The following PSMA1 variants were observed in gnomAD, a reference collection of about 807,000 sequenced individuals.
PSMA1 encodes the protein proteasome 20S subunit alpha 1, also known as proteasome subunit alpha type-1.
Under a neutral mutation model 38.4 loss-of-function variants are expected in PSMA1, and 3 were observed. The observed-to-expected ratio is 0.08, with a 90% CI of 0.04 to 0.20. PSMA1 has a LOEUF of 0.20. PSMA1 is among the 10% of genes least tolerant of loss of function. The pLI, the probability that PSMA1 is intolerant of heterozygous loss-of-function variation, is 1.00. For synonymous variants in PSMA1, 101 were observed against 107.1 expected, an observed-to-expected ratio of 0.94 and a Z score of 0.35; for missense variants, 227 against 325.3, an observed-to-expected ratio of 0.70 and a Z score of 2.32.
chr11:14,572,219 C>T (rs1302705085), intron 2 of PSMA1, among the ~76,000 whole-genome samples: 5 of 152,142 alleles, frequency 3.3e-5, no homozygotes, highest in African/African-American at 9.7e-5. Context: ...ATATTCTTCT[C>T]GGCACCACAT....
At chr11:14,541,811 A>C (rs1469199900) in intron 2 of PSMA1, among the ~76,000 whole-genome samples, 1 of 152,232 alleles carries the variant, frequency 6.6e-6, no homozygotes, top group African/African-American at 2.4e-5. Flanking sequence ...TCTATGCATC[A>C]GGGCGGATAG....
chr11:14,522,706 G>A (rs1851543277), upstream of PSMA1, among the ~76,000 whole-genome samples: 2 of 151,920 alleles, frequency 1.3e-5, no homozygotes, highest in Non-Finnish European at 2.9e-5. Flanking sequence ...ATATTATTGT[G>A]TTAATCATTT....
chr11:14,523,489 A>G (rs1851551538), upstream of PSMA1, among the ~76,000 whole-genome samples: 1 of 151,530 alleles, frequency 6.6e-6, no homozygotes, highest in Non-Finnish European at 1.5e-5. Flanking sequence ...CAGGCTGGTC[A>G]TGAATGCCTG....
chr11:14,526,931 C>T (rs1851592445), intron 2 of PSMA1, among the ~76,000 whole-genome samples: 1 of 152,178 alleles, frequency 6.6e-6, no homozygotes, highest in African/African-American at 2.4e-5. Context: ...TATCTCTCAG[C>T]AAGCCTAACT....
intron 1 of PSMA1, among the ~76,000 whole-genome samples, chr11:14,615,818 C>T (rs1352064740): frequency 6.6e-6 from 1 of 152,168 alleles, no homozygotes; most frequent in Non-Finnish European, 1.5e-5. Context: ...CCTCATTGAA[C>T]TCCTGAAAGG....
chr11:14,572,950 T>C (rs975270744), intron 2 of PSMA1, among the ~76,000 whole-genome samples: 2 of 152,076 alleles, frequency 1.3e-5, no homozygotes, highest in African/African-American at 4.8e-5. Flanking sequence ...ATACACCCTC[T>C]GAAGACTAAA....
chr11:14,626,184 CTT>C (rs1852909714), intron 1 of PSMA1, among the ~76,000 whole-genome samples: 1 of 148,648 alleles, frequency 6.7e-6, no homozygotes, highest in Admixed American at 6.7e-5. Flanking sequence ...AAGTGATAAT[CTT>C]TTGTACAGTC....
rs941960116 is a variant in PSMA1 at position 14,505,070 on chromosome 11, T to C, written c.*122A>G. ...TGGAAAAAACTCACATCTGGACTGA[T>C]TCCTAAAACATAGCATTCCACCACT... is the stretch of plus-strand genomic sequence containing the variant. On this transcript the variant is annotated 3_prime_UTR_variant, in exon 10 of 10. Coordinates refer to ENST00000396394, the MANE Select transcript of PSMA1 (RefSeq NM_002786.4). 6 of 896,490 alleles carry C rather than the reference T, an allele frequency of 6.7e-6. No homozygotes were observed. Among genetic ancestry groups the C allele is most frequent in the Non-Finnish European group, 1.1e-5 (6 of 538,070 alleles). 55.5% of individuals were successfully genotyped at this position (896,490 alleles called of 1,614,324 possible). A position where few individuals can be genotyped will look rare whatever the true frequency, so the allele number is the denominator to read the frequency against.
intron 2 of PSMA1, among the ~76,000 whole-genome samples, chr11:14,594,049 A>G (rs1852454598): frequency 1.3e-5 from 2 of 152,242 alleles, no homozygotes; most frequent in South Asian, 4.1e-4. Context: ...GAAAAGAGGC[A>G]CATAGGAAGA....
rs189640268 is a variant in PSMA1, at chr11:14,562,758, C to T, written c.22-43717G>A. On this transcript the variant is annotated intron_variant, in intron 2 of 10. Coordinates refer to the PSMA1 transcript ENST00000418988. ...TCCCATCCCAGCCTCCCGAGTAGCCCGGCTAATTTTTGTAGTTTTAGAGAC... is the reference window on the plus strand; with the variant it reads ...TCCCATCCCAGCCTCCCGAGTAGCCTGGCTAATTTTTGTAGTTTTAGAGAC... Among the ~76,000 whole-genome samples, 5 of 151,804 alleles carry T rather than the reference C, an allele frequency of 3.3e-5. No homozygotes were observed. In the South Asian group the frequency reaches 6.3e-4, roughly 19 times the overall value.
At chr11:14,537,529 T>C (rs1381985936) in intron 2 of PSMA1, among the ~76,000 whole-genome samples, 1 of 148,390 alleles carries the variant, frequency 6.7e-6, no homozygotes, top group Non-Finnish European at 1.5e-5. Context: ...AGGAAGTTGC[T>C]ATAACTTCCC....
At chr11:14,594,772 T>A (rs1286289175) in intron 2 of PSMA1, among the ~76,000 whole-genome samples, 3 of 152,212 alleles carry the variant, frequency 2.0e-5, no homozygotes, top group South Asian at 4.1e-4. Context: ...TTCTTTTTTT[T>A]ATTATACTTT....
At position 14,505,234 on chromosome 11, in the gene PSMA1, A is replaced by G. The variant is rs1403222309; in HGVS notation, c.750T>C (p.Ala250=). Residue 250 remains alanine (A), a synonymous_variant, in exon 10 of 10, where the codon GCT becomes GCC. Coordinates refer to ENST00000396394, the MANE Select transcript of PSMA1 (RefSeq NM_002786.4). ...PQRKAQPAQP[A]DEPAEKADEP... ...CATCAGCCTTTTCTGCAGGTTCATC[A>G]GCAGGTTGAGCAGGCTTAACAGGGA... The G allele has an allele frequency of 6.2e-7, 1 of 1,613,752 alleles. No individual in the cohort carries two copies. Among genetic ancestry groups the G allele is most frequent in the South Asian group, 1.1e-5 (1 of 91,070 alleles).
chr11:14,593,912 C>G (rs11023264), intron 2 of PSMA1, among the ~76,000 whole-genome samples: 1 of 152,190 alleles, frequency 6.6e-6, no homozygotes. Context: ...CTGTGCTTCC[C>G]TAAGCCAATT....
intron 1 of PSMA1, among the ~76,000 whole-genome samples, chr11:14,638,524 T>C (rs11023289): frequency 1.2e-4 from 3 of 24,890 alleles, no homozygotes; most frequent in African/African-American, 5.0e-4. Flanking sequence ...TCTCTCTCTC[T>C]CTCTCTCTCT....
intron 2 of PSMA1, among the ~76,000 whole-genome samples, chr11:14,532,153 G>C: frequency 6.6e-6 from 1 of 150,674 alleles, no homozygotes; most frequent in Non-Finnish European, 1.5e-5. Flanking sequence ...TTGACATTAA[G>C]TTTGTATTAT....
At chr11:14,626,658 T>C (rs1368948119) in intron 1 of PSMA1, among the ~76,000 whole-genome samples, 6 of 152,208 alleles carry the variant, frequency 3.9e-5, no homozygotes, top group East Asian at 3.9e-4. Flanking sequence ...TATTGCCTTA[T>C]TGAGTTTTGG....
Position 14,520,031 on chromosome 11 carries a change from G to C in PSMA1, c.3+266C>G, listed in dbSNP as rs2134152088. ...AGAATCTACTCCACTGAAGGAACCTGAGGGGCGAACTCATCTAGCTGACCG... is the reference window on the plus strand; with the variant it reads ...AGAATCTACTCCACTGAAGGAACCTCAGGGGCGAACTCATCTAGCTGACCG... On this transcript the variant is annotated intron_variant, in intron 1 of 9. Coordinates refer to ENST00000396394, the MANE Select transcript of PSMA1 (RefSeq NM_002786.4). The C allele has an allele frequency of 5.1e-6, 3 of 585,752 alleles. No homozygotes were observed. The East Asian group carries it at 8.5e-5, about 17-fold the overall frequency. The allele number at this position is 585,752 out of a possible 1,614,324, so 36.3% of individuals were successfully genotyped here.
chr11:14,598,544 T>C lies in PSMA1; in HGVS notation c.21+12422A>G, dbSNP rs1278890998. On this transcript the variant is annotated intron_variant, in intron 2 of 10. Transcript: ENST00000418988. ...TTGATCTTTGATGGTTTAAAGTCTG[T>C]TTTATCAGAGACTAGGATTGCAACC... is the stretch of plus-strand genomic sequence containing the variant. 4.0e-5 allele frequency among the ~76,000 whole-genome samples: 6 copies of C among 151,838 alleles called. No homozygotes were observed. The South Asian group carries it at 1.0e-3, about 26-fold the overall frequency.
Sources: allele counts gnomAD v4.1 joint callset (sites outside exome capture counted in the v4.1 genomes callset), GRCh38; gene constraint gnomAD v4.1.1; transcripts MANE v1.5; gene names NCBI Gene and HGNC (gene_info 2026-07-23, HGNC 2026-07-21).